The following C12orf54 variants were observed in gnomAD, a reference collection of about 807,000 sequenced individuals.
C12orf54 encodes chromosome 12 open reading frame 54.
Under a neutral mutation model 26.4 loss-of-function variants are expected in C12orf54, and 24 were observed. That is an observed-to-expected ratio of 0.91 (90% CI 0.66 to 1.28). The LOEUF (loss-of-function observed/expected upper bound fraction) is 1.28. Ranked by LOEUF, C12orf54 falls within the 50% of genes most tolerant of loss-of-function variation. C12orf54 has a pLI of 0.00. For synonymous variants in C12orf54, 54 were observed against 47.0 expected (o/e 1.15, Z -0.61); for missense variants, 154 against 150.9 (o/e 1.02, Z -0.11).
intron 8 of C12orf54, among the ~76,000 whole-genome samples, chr12:48,495,309 G>A (rs1319318357): frequency 6.6e-6 from 1 of 152,106 alleles, no homozygotes; most frequent in Admixed American, 6.6e-5. Context: ...ATAAAGAGAT[G>A]GAAAGGTGGA....
At chr12:48,488,143 T>A (rs1455046418) in intron 4 of C12orf54, 7 of 776,920 alleles carry the variant, frequency 9.0e-6, no homozygotes, top group Non-Finnish European at 1.7e-5. Context: ...TGGAGACATT[T>A]CTACTGGAAC....
intron 4 of C12orf54, chr12:48,488,348 T>G: frequency 1.9e-6 from 1 of 515,838 alleles, no homozygotes. Context: ...TGCCCCCTGG[T>G]GCCGACAAGA....
At chr12:48,490,876 G>A in intron 6 of C12orf54, 40 bp downstream of exon 6, 1 of 1,605,074 alleles carries the variant, frequency 6.2e-7, no homozygotes, top group Non-Finnish European at 8.5e-7. Context: ...AAGGAAACAA[G>A]GGAGGGGATT....
intron 5 of C12orf54, 76 bp downstream of exon 5, chr12:48,489,032 T>C: frequency 7.2e-7 from 1 of 1,388,364 alleles, no homozygotes; most frequent in African/African-American, 1.4e-5. Flanking sequence ...CTTACCCTAC[T>C]GAGATGTTGC....
chr12:48,470,058 T>C, the C12orf54 span, among the ~76,000 whole-genome samples: 1 of 152,198 alleles, frequency 6.6e-6, no homozygotes, highest in Non-Finnish European at 1.5e-5. Context: ...TATTCCATGG[T>C]GTCTATGTAC....
the C12orf54 span, among the ~76,000 whole-genome samples, chr12:48,437,951 G>A: frequency 6.6e-6 from 1 of 152,126 alleles, no homozygotes; most frequent in Non-Finnish European, 1.5e-5. Context: ...TAGGAAAAGA[G>A]GAAGTCAAAT....
At chr12:48,440,158 G>A in the C12orf54 span, among the ~76,000 whole-genome samples, 1 of 151,956 alleles carries the variant, frequency 6.6e-6, no homozygotes, top group African/African-American at 2.4e-5. Flanking sequence ...CTGGGAGGCG[G>A]AGGTTGCAGT....
At chr12:48,469,168 C>A in the C12orf54 span, among the ~76,000 whole-genome samples, 15 of 152,196 alleles carry the variant, frequency 9.9e-5, no homozygotes, top group Non-Finnish European at 4.4e-5. Flanking sequence ...CAAGAGCAGA[C>A]AACCAGTCTG....
At chr12:48,419,903 T>C in the C12orf54 span, among the ~76,000 whole-genome samples, 1 of 152,134 alleles carries the variant, frequency 6.6e-6, no homozygotes, top group Non-Finnish European at 1.5e-5. Context: ...AAAAAAGAAA[T>C]ATATTAGCTC....
At chr12:48,425,040 T>A in the C12orf54 span, among the ~76,000 whole-genome samples, 1 of 152,156 alleles carries the variant, frequency 6.6e-6, no homozygotes, top group African/African-American at 2.4e-5. Context: ...GAATTATATG[T>A]AGGCTATATC....
At chr12:48,485,965 C>T (rs1453698520) in intron 2 of C12orf54, among the ~76,000 whole-genome samples, 3 of 152,094 alleles carry the variant, frequency 2.0e-5, no homozygotes, top group African/African-American at 7.2e-5. Flanking sequence ...CAAAGGGCTT[C>T]CACAATAGTC....
chr12:48,474,721 G>T, the C12orf54 span, among the ~76,000 whole-genome samples: 1 of 152,240 alleles, frequency 6.6e-6, no homozygotes, highest in African/African-American at 2.4e-5. Context: ...CAAGTTAGTT[G>T]TTTGATTAGG....
the C12orf54 span, among the ~76,000 whole-genome samples, chr12:48,449,063 A>G: frequency 9.9e-5 from 15 of 152,238 alleles, no homozygotes; most frequent in South Asian, 4.1e-4. Context: ...GTTTGTCTAA[A>G]GACCTGGGAT....
chr12:48,420,897 G>A, the C12orf54 span, among the ~76,000 whole-genome samples: 1 of 151,942 alleles, frequency 6.6e-6, no homozygotes, highest in Non-Finnish European at 1.5e-5. Context: ...ACATATTGAT[G>A]GATGGATTTA....
At chr12:48,494,030 CCAA>C in intron 7 of C12orf54, among the ~76,000 whole-genome samples, 1 of 140,382 alleles carries the variant, frequency 7.1e-6, no homozygotes, top group African/African-American at 2.7e-5. Context: ...ACCAGCCTGA[CCAA>C]CACAGTGAAA....
At position 48,492,969 on chromosome 12, in the gene C12orf54, A is replaced by G. The variant is rs1937824227; in HGVS notation, c.216A>G (p.Thr72=). ...TAGGGATGAGCAACTGCTCCATGAC[A>G]CCCATGACATCAGCACCCAGGACTG... ...RIRGMSNCSM[T]PMTSAPRTGS... Residue 72 remains threonine, a synonymous_variant, in exon 7 of 9, where the codon ACA becomes ACG. Transcript: ENST00000548364. 1 of 1,614,074 alleles carries G rather than the reference A, an allele frequency of 6.2e-7. No homozygotes were observed. The highest frequency in any genetic ancestry group is 8.5e-7 in the Non-Finnish European group (1 of 1,179,966).
At chr12:48,494,677 A>C in intron 7 of C12orf54, 121 bp from the exon 8 acceptor site, 1 of 1,090,432 alleles carries the variant, frequency 9.2e-7, no homozygotes, top group South Asian at 1.6e-5. Context: ...CCAGAGCCTG[A>C]GATGCCCATT....
At chr12:48,448,480 T>C in the C12orf54 span, among the ~76,000 whole-genome samples, 2 of 152,240 alleles carry the variant, frequency 1.3e-5, no homozygotes, top group South Asian at 2.1e-4. Flanking sequence ...TGTCGCATTA[T>C]ATGATTATAC....
At chr12:48,492,645 G>A (rs1291776808) in intron 6 of C12orf54, among the ~76,000 whole-genome samples, 2 of 152,192 alleles carry the variant, frequency 1.3e-5, no homozygotes, top group Admixed American at 1.3e-4. Context: ...GATAAGAAGT[G>A]AACTACCAGG....
Sources: gnomAD v4.1 joint callset for allele counts (sites outside exome capture counted in the v4.1 genomes callset) on GRCh38, gnomAD v4.1.1 for gene constraint, MANE v1.5 for transcripts, NCBI Gene and HGNC (gene_info 2026-07-23, HGNC 2026-07-21) for gene names.